PCDHA10: variants seen among roughly 807,000 people sequenced by gnomAD.
The protein encoded by PCDHA10 is protocadherin alpha 10, also known as protocadherin alpha-10.
PCDHA10 carries 45 observed loss-of-function variants against 61.2 expected under a neutral mutation model. That is an observed-to-expected ratio of 0.74 (90% CI 0.58 to 0.94). The LOEUF is 0.94. Ranked by LOEUF, PCDHA10 falls within the 40% of genes least tolerant of loss-of-function variation. PCDHA10 has a pLI of 0.00. For synonymous variants in PCDHA10, 602 were observed against 548.8 expected, an observed-to-expected ratio of 1.10 and a Z score of -1.35; for missense variants, 1,278 against 1,236.2, an observed-to-expected ratio of 1.03 and a Z score of -0.51.
intron 1 of PCDHA10, among the ~76,000 whole-genome samples, chr5:140,960,972 T>G (rs936519951): frequency 4.9e-4 from 75 of 152,306 alleles, no homozygotes; most frequent in Non-Finnish European, 2.2e-4. Flanking sequence ...GCAGTTGCAA[T>G]TCTTGTTCCA....
At chr5:140,907,534 T>G (rs2073435289) in intron 1 of PCDHA10, among the ~76,000 whole-genome samples, 1 of 152,204 alleles carries the variant, frequency 6.6e-6, no homozygotes, top group African/African-American at 2.4e-5. Flanking sequence ...CGCTGCCCTT[T>G]CTATGATGGA....
At chr5:140,883,774 T>C (rs782252577) in intron 1 of PCDHA10, 10 of 1,612,152 alleles carry the variant, frequency 6.2e-6, no homozygotes, top group South Asian at 5.5e-5. Flanking sequence ...TGGGCGAGCG[T>C]GCGCTGTCGA....
chr5:140,892,733 C>G lies in PCDHA10; in HGVS notation c.2388+34297C>G, dbSNP rs183181952. Reference sequence around the variant, plus strand: ...CATATTCATAATCTCAAACATTTACCATTTTTGCATGGTGAACATTTAAAA... The same window carrying G: ...CATATTCATAATCTCAAACATTTACGATTTTTGCATGGTGAACATTTAAAA... On this transcript the variant is annotated intron_variant, in intron 1 of 3. Coordinates refer to ENST00000307360, the MANE Select transcript of PCDHA10 (RefSeq NM_018901.4). Among the ~76,000 whole-genome samples the G allele has an allele frequency of 8.1e-4, 123 of 152,172 alleles. No individual in the cohort carries two copies. In the Middle Eastern group the frequency reaches 0.02, roughly 25 times the overall value.
intron 1 of PCDHA10, 141 bp downstream of exon 1, chr5:140,858,577 A>T: frequency 7.4e-7 from 1 of 1,352,316 alleles, no homozygotes; most frequent in Non-Finnish European, 1.0e-6. Context: ...ATACCTTTGT[A>T]ATATAATTTA....
chr5:141,000,173 C>T (rs2097895007), intron 3 of PCDHA10, among the ~76,000 whole-genome samples: 1 of 151,968 alleles, frequency 6.6e-6, no homozygotes, highest in Non-Finnish European at 1.5e-5. Flanking sequence ...ATTATTGAGC[C>T]AAGGAGTCAA....
intron 1 of PCDHA10, among the ~76,000 whole-genome samples, chr5:140,954,247 A>T (rs782077145): frequency 2.6e-5 from 4 of 152,196 alleles, no homozygotes; most frequent in Non-Finnish European, 4.4e-5. Context: ...ATGAACATAC[A>T]CATGCAGGTA....
chr5:140,880,646 C>A (rs782457852), intron 1 of PCDHA10, among the ~76,000 whole-genome samples: 1 of 152,060 alleles, frequency 6.6e-6, no homozygotes, highest in Non-Finnish European at 1.5e-5. Context: ...ACTTGAGAGC[C>A]CAACTGAGGT....
chr5:140,982,507 G>C lies in PCDHA10; in HGVS notation c.2480G>C (p.Arg827Pro). 6.2e-7 allele frequency: 1 copy of C among 1,614,138 alleles called. No homozygotes were observed. ...CACCTAGAGGAGGCTGGCATTCTAC[G>C]GGCTGGTCCAGGAGGGCCTGATCAG... ...SVHLEEAGIL[R>P]AGPGGPDQQW... is the part of the protein sequence containing the mutation. The change falls in exon 3 of 4, where the codon CGG becomes CCG. Residue 827 changes from arginine to proline, a missense_variant. Coordinates refer to ENST00000307360, the MANE Select transcript of PCDHA10 (RefSeq NM_018901.4).
In PCDHA10 at chr5:140,927,655, G is replaced by C. The variant is rs782653279; in HGVS notation, c.2389-51294G>C. On this transcript the variant is annotated intron_variant, in intron 1 of 3. Transcript: ENST00000307360. Reference sequence around the variant, plus strand: ...ACCCAATGGGACTGTGTTATTCCGAGTTCAAGCCTTGGATCCAGATGAAGG... The same window carrying C: ...ACCCAATGGGACTGTGTTATTCCGACTTCAAGCCTTGGATCCAGATGAAGG... The C allele has an allele frequency of 1.2e-5, 20 of 1,614,130 alleles. No individual in the cohort carries two copies. In the Admixed American group the frequency reaches 2.3e-4, roughly 19 times the overall value.
chr5:140,957,523 T>G (rs987363578), intron 1 of PCDHA10, among the ~76,000 whole-genome samples: 1 of 152,156 alleles, frequency 6.6e-6, no homozygotes, highest in African/African-American at 2.4e-5. Context: ...TTTCAGACAT[T>G]CAGTGGGGAT....
intron 3 of PCDHA10, among the ~76,000 whole-genome samples, chr5:141,007,475 C>T (rs575810038): frequency 1.2e-4 from 18 of 151,396 alleles, no homozygotes; most frequent in Non-Finnish European, 2.1e-4. Flanking sequence ...GGCTGAGGCA[C>T]GAGAATTACT....
chr5:140,883,726 G>A, intron 1 of PCDHA10: 2 of 1,613,590 alleles, frequency 1.2e-6, no homozygotes, highest in Non-Finnish European at 1.7e-6. Context: ...ACGCACAGGA[G>A]AACGCGCTGG....
chr5:140,877,987 C>A (rs1290531354), intron 1 of PCDHA10: 13 of 1,151,196 alleles, frequency 1.1e-5, no homozygotes, highest in African/African-American at 3.1e-5. Context: ...TCATTTTGAA[C>A]TTTTATGTAT....
intron 1 of PCDHA10, among the ~76,000 whole-genome samples, chr5:140,900,333 C>T (rs10071692): frequency 3.3e-5 from 5 of 151,856 alleles, no homozygotes; most frequent in Admixed American, 6.6e-5. Flanking sequence ...GCTGGAGTAC[C>T]GTGGCGCAAT....
chr5:140,961,400 C>T (rs929653995), intron 1 of PCDHA10, among the ~76,000 whole-genome samples: 10 of 152,186 alleles, frequency 6.6e-5, no homozygotes, highest in African/African-American at 2.4e-4. Context: ...TTAGTAAACA[C>T]TTTTTGGCAT....
intron 1 of PCDHA10, among the ~76,000 whole-genome samples, chr5:140,933,263 A>G (rs1374246908): frequency 6.6e-6 from 1 of 151,986 alleles, no homozygotes; most frequent in Non-Finnish European, 1.5e-5. Context: ...AAAGGTTATT[A>G]TATATTCATT....
intron 1 of PCDHA10, chr5:140,868,939 G>T (rs2050745278): frequency 1.6e-6 from 2 of 1,242,994 alleles, no homozygotes; most frequent in African/African-American, 1.5e-5. Context: ...AGGTTGGTCT[G>T]AACAGTGAGG....
chr5:140,981,024 A>G (rs2096915063), intron 2 of PCDHA10, among the ~76,000 whole-genome samples: 2 of 152,112 alleles, frequency 1.3e-5, no homozygotes, highest in Admixed American at 6.5e-5. Flanking sequence ...AAGGCTGTTA[A>G]TATTTGGGGA....
Position 141,010,115 on chromosome 5 carries a change from C to A in PCDHA10, c.*178C>A, listed in dbSNP as rs1037998611. 1.2e-6 allele frequency: 2 copies of A among 1,609,682 alleles called. No individual in the cohort carries two copies. The highest frequency in any genetic ancestry group is 2.2e-5 in the South Asian group (2 of 90,640). ...CATTTAACAGGTTTTGTCGTAAAAG[C>A]TTTACTAAGTCTGGTGTTAACTCTT... On this transcript the variant is annotated 3_prime_UTR_variant, in exon 4 of 4. Transcript: ENST00000307360.
Sources: gnomAD v4.1 joint callset for allele counts (sites outside exome capture counted in the v4.1 genomes callset) on GRCh38, gnomAD v4.1.1 for gene constraint, MANE v1.5 for transcripts, NCBI Gene and HGNC (gene_info 2026-07-23, HGNC 2026-07-21) for gene names.